The following DNAH14 variants were observed in gnomAD, a reference collection of about 807,000 sequenced individuals.
DNAH14 encodes axonemal beta dynein heavy chain 14.
DNAH14 carries 478 observed loss-of-function variants against 520.9 expected under a neutral mutation model. The observed-to-expected ratio is 0.92, with a 90% CI of 0.85 to 0.99. The LOEUF (loss-of-function observed/expected upper bound fraction) is 0.99, where lower values mean the gene tolerates loss of function less well. Ranked by LOEUF, DNAH14 falls within the 50% of genes least tolerant of loss-of-function variation. DNAH14 has a pLI of 0.00. For synonymous variants in DNAH14, 1,581 were observed against 1,757.2 expected (o/e 0.90, Z 2.51); for missense variants, 4,831 against 5,234.5 (o/e 0.92, Z 2.38).
At chr1:224,995,391 G>C (rs2063328560) in intron 8 of DNAH14, among the ~76,000 whole-genome samples, 2 of 151,970 alleles carry the variant, frequency 1.3e-5, no homozygotes, top group Admixed American at 1.3e-4. Flanking sequence ...CTGGCCTACA[G>C]AGTTTCTGCT....
Position 225,290,560 on chromosome 1 carries a change from T to C in DNAH14, c.8469+478T>C, listed in dbSNP as rs573289696. Among the ~76,000 whole-genome samples, 103 of 149,642 alleles carry C rather than the reference T, an allele frequency of 6.9e-4. 1 individual carries two copies. Among genetic ancestry groups the C allele is most frequent in the African/African-American group, 2.4e-3 (100 of 40,964 alleles). Reference sequence around the variant, plus strand: ...TATTTTCACTGTCAGATGCAGGACTTTCCTTACAGAATATGTTATTTTTGT... The same window carrying C: ...TATTTTCACTGTCAGATGCAGGACTCTCCTTACAGAATATGTTATTTTTGT... On this transcript the variant is annotated intron_variant, in intron 55 of 85. Transcript: ENST00000682510.
chr1:225,208,325 T>TA (rs892594741), intron 41 of DNAH14, among the ~76,000 whole-genome samples: 15 of 150,378 alleles, frequency 1.0e-4, no homozygotes, highest in South Asian at 4.2e-4. Context: ...AGGTTAGAAG[T>TA]AAAAAAAAAT....
chr1:225,225,573 A>G (rs1444497938), intron 41 of DNAH14, among the ~76,000 whole-genome samples: 1 of 152,180 alleles, frequency 6.6e-6, no homozygotes, highest in Non-Finnish European at 1.5e-5. Context: ...ATGCTCAGAA[A>G]AAAAAGGAGG....
At chr1:225,003,531 T>C (rs1407912657) in intron 9 of DNAH14, among the ~76,000 whole-genome samples, 1 of 152,054 alleles carries the variant, frequency 6.6e-6, no homozygotes, top group Non-Finnish European at 1.5e-5. Context: ...AAGTTAAATA[T>C]TTGAAAATTA....
chr1:225,237,576 G>A (rs2091681948), intron 42 of DNAH14, among the ~76,000 whole-genome samples: 1 of 152,094 alleles, frequency 6.6e-6, no homozygotes, highest in Non-Finnish European at 1.5e-5. Flanking sequence ...AGAATCTGAT[G>A]TTTATGTCTT....
intron 8 of DNAH14, among the ~76,000 whole-genome samples, chr1:225,000,432 A>G (rs2063679766): frequency 6.6e-6 from 1 of 150,768 alleles, no homozygotes. Flanking sequence ...CTTTTGACAA[A>G]TTTGGAATGT....
intron 1 of DNAH14, among the ~76,000 whole-genome samples, chr1:224,946,506 G>A (rs140006347): frequency 0.011 from 1,668 of 152,190 alleles, 17 homozygotes; most frequent in Non-Finnish European, 0.016. Flanking sequence ...ACACTCCCCA[G>A]TGAGATGAAC....
chr1:225,327,212 C>CA (rs1331748765), intron 64 of DNAH14, among the ~76,000 whole-genome samples: 1 of 151,290 alleles, frequency 6.6e-6, no homozygotes, highest in African/African-American at 2.4e-5. Flanking sequence ...GGCTGAAGTG[C>CA]AGAGGCGCGA....
At chr1:225,378,995 C>T (rs1273987727) in intron 79 of DNAH14, among the ~76,000 whole-genome samples, 2 of 152,138 alleles carry the variant, frequency 1.3e-5, no homozygotes, top group Admixed American at 1.3e-4. Flanking sequence ...TAAGGAGGTC[C>T]TCCCACCTCC....
chr1:225,223,629 C>T (rs2090264701), intron 41 of DNAH14, among the ~76,000 whole-genome samples: 1 of 152,180 alleles, frequency 6.6e-6, no homozygotes, highest in African/African-American at 2.4e-5. Flanking sequence ...GCCTCCCTTC[C>T]CCCATGGCGA....
intron 60 of DNAH14, among the ~76,000 whole-genome samples, chr1:225,310,029 T>TAATAAATA (rs968913445): frequency 6.7e-6 from 1 of 150,340 alleles, no homozygotes; most frequent in Non-Finnish European, 1.5e-5. Flanking sequence ...AGTATAATAA[T>TAATAAATA]AATAAATAAA....
chr1:225,240,386 G>A (rs2091900627), intron 42 of DNAH14, among the ~76,000 whole-genome samples: 1 of 150,910 alleles, frequency 6.6e-6, no homozygotes, highest in Admixed American at 6.6e-5. Flanking sequence ...TTATACATAT[G>A]GTACTTTAAA....
At chr1:225,207,259 T>C in intron 41 of DNAH14, 39 bp downstream of exon 41, 6 of 1,440,346 alleles carry the variant, frequency 4.2e-6, no homozygotes, top group Non-Finnish European at 4.6e-6. Context: ...TGATATATCT[T>C]AGCTAGTCAA....
chr1:224,976,739 G>C (rs992049452), intron 8 of DNAH14, among the ~76,000 whole-genome samples: 19 of 150,994 alleles, frequency 1.3e-4, no homozygotes, highest in Non-Finnish European at 2.2e-4. Flanking sequence ...ATGAAAAAAT[G>C]CTCACCATCA....
Position 225,266,706 on chromosome 1 carries a change from G to A in DNAH14, c.7476G>A (p.Leu2492=), listed in dbSNP as rs1188960211. 2 of 1,524,794 alleles carry A rather than the reference G, an allele frequency of 1.3e-6. No individual in the cohort carries two copies. The highest frequency in any genetic ancestry group is 5.0e-5 in the East Asian group (2 of 39,842). The allele number at this position is 1,524,794 out of a possible 1,614,324, so 94.5% of individuals were successfully genotyped here. ...VSDMYGAQPP[L]ELIRQLLDLG... ...ATATGTATGGAGCACAGCCACCCCT[G>A]GAATTGATAAGACAATTGTTAGATT... The change falls in exon 49 of 86, where the codon CTG becomes CTA. Residue 2492 remains leucine (L), a synonymous_variant. Coordinates refer to ENST00000682510, the MANE Select transcript of DNAH14 (RefSeq NM_001367479.1).
intron 26 of DNAH14, among the ~76,000 whole-genome samples, chr1:225,119,729 A>G (rs1314669601): frequency 1.3e-5 from 2 of 152,164 alleles, no homozygotes; most frequent in African/African-American, 2.4e-5. Flanking sequence ...TAAGTCTATC[A>G]TTGCATCTGT....
chr1:225,334,633 T>A (rs191732365), intron 66 of DNAH14, among the ~76,000 whole-genome samples: 26 of 152,270 alleles, frequency 1.7e-4, no homozygotes, highest in African/African-American at 6.0e-4. Context: ...TATTTTTCAA[T>A]ATTATCCATT....
chr1:224,936,316 C>G (rs1020306270), intron 1 of DNAH14, among the ~76,000 whole-genome samples: 10 of 151,506 alleles, frequency 6.6e-5, no homozygotes, highest in Non-Finnish European at 1.2e-4. Flanking sequence ...TAAACCACAA[C>G]CACCAGCAAG....
rs1056308060 is a variant in DNAH14 at position 225,153,873 on chromosome 1, T to C, written c.5273+47T>C. The C allele has an allele frequency of 2.9e-6, 4 of 1,399,240 alleles. No individual in the cohort carries two copies. In the African/African-American group the frequency reaches 5.8e-5, roughly 20 times the overall value. 86.7% of individuals were successfully genotyped at this position (1,399,240 alleles called of 1,614,324 possible). ...TAGGTCAAAGGGAGTTATATACTGC[T>C]GGGAAAATAATTTGTAGAATTACGG... On this transcript the variant is annotated intron_variant, in intron 34 of 85. Coordinates refer to ENST00000682510, the MANE Select transcript of DNAH14 (RefSeq NM_001367479.1).
Sources: allele counts gnomAD v4.1 joint callset (sites outside exome capture counted in the v4.1 genomes callset), GRCh38; gene constraint gnomAD v4.1.1; transcripts MANE v1.5; gene names NCBI Gene and HGNC (gene_info 2026-07-23, HGNC 2026-07-21).